NCAM2: variants seen among roughly 807,000 people sequenced by gnomAD.
NCAM2 encodes neural cell adhesion molecule 2.
A neutral mutation model predicts 98.1 loss-of-function variants in NCAM2; 30 were observed. The ratio of observed to expected loss-of-function variants is 0.31; its 90% confidence interval spans 0.23 to 0.41. The LOEUF is 0.41. Ranked by LOEUF, NCAM2 falls within the 10% of genes least tolerant of loss-of-function variation. The pLI is 1.00. For synonymous variants in NCAM2, 368 were observed against 342.4 expected (o/e 1.07, Z -0.83); for missense variants, 867 against 1,005.8 (o/e 0.86, Z 1.87).
chr21:21,334,893 A>G (rs2147857744), intron 6 of NCAM2, among the ~76,000 whole-genome samples: 1 of 152,248 alleles, frequency 6.6e-6, no homozygotes, highest in East Asian at 1.9e-4. Context: ...ATTTGGGACT[A>G]AGAGGAAACA....
chr21:21,429,758 A>G (rs759821258), intron 11 of NCAM2, among the ~76,000 whole-genome samples: 3 of 152,214 alleles, frequency 2.0e-5, no homozygotes, highest in Non-Finnish European at 4.4e-5. Context: ...TTTTGGATGC[A>G]TCAGAATTCT....
chr21:21,439,055 C>T (rs543121431), intron 12 of NCAM2, among the ~76,000 whole-genome samples: 6 of 151,570 alleles, frequency 4.0e-5, no homozygotes, highest in African/African-American at 1.5e-4. Flanking sequence ...CACTGAACTC[C>T]AACCTGGGCA....
At chr21:21,204,001 G>A (rs1164125584) in intron 1 of NCAM2, among the ~76,000 whole-genome samples, 1 of 151,984 alleles carries the variant, frequency 6.6e-6, no homozygotes, top group Non-Finnish European at 1.5e-5. Flanking sequence ...TGATAATGTG[G>A]CAGAATACTT....
At chr21:21,401,084 C>T (rs1460622015) in intron 9 of NCAM2, among the ~76,000 whole-genome samples, 6 of 152,114 alleles carry the variant, frequency 3.9e-5, no homozygotes, top group Non-Finnish European at 8.8e-5. Flanking sequence ...AGTTGGCACT[C>T]AATTTTGATT....
chr21:21,269,601 A>G (rs2072418310), intron 1 of NCAM2, among the ~76,000 whole-genome samples: 1 of 152,186 alleles, frequency 6.6e-6, no homozygotes, highest in Non-Finnish European at 1.5e-5. Flanking sequence ...ATATTTTGGA[A>G]TGTGTAATAT....
At chr21:21,446,181 G>A (rs1980106444) in intron 12 of NCAM2, among the ~76,000 whole-genome samples, 1 of 152,058 alleles carries the variant, frequency 6.6e-6, no homozygotes, top group Admixed American at 6.6e-5. Context: ...CTGGCTTGTA[G>A]CGTTTCTGCT....
intron 1 of NCAM2, among the ~76,000 whole-genome samples, chr21:21,080,462 C>T (rs1043276836): frequency 6.6e-6 from 1 of 151,520 alleles, no homozygotes; most frequent in Non-Finnish European, 1.5e-5. Flanking sequence ...ACTAAAAATA[C>T]AAAATTATTC....
At chr21:21,231,656 A>G (rs975384854) in intron 1 of NCAM2, among the ~76,000 whole-genome samples, 11 of 151,358 alleles carry the variant, frequency 7.3e-5, no homozygotes, top group South Asian at 4.1e-4. Context: ...AAAAATTTCC[A>G]TCGGAGTAAA....
At chr21:21,198,198 G>A (rs949310076) in intron 1 of NCAM2, among the ~76,000 whole-genome samples, 2 of 71,368 alleles carry the variant, frequency 2.8e-5, no homozygotes, top group Admixed American at 2.6e-4. Flanking sequence ...GTGTGTGTGT[G>A]TGTGTGTGTG....
intron 10 of NCAM2, among the ~76,000 whole-genome samples, chr21:21,415,019 C>T (rs1427306658): frequency 2.0e-5 from 3 of 150,884 alleles, no homozygotes; most frequent in Admixed American, 1.3e-4. Flanking sequence ...AGGCTGTAAA[C>T]AGATGTTCTG....
chr21:21,077,452 C>T (rs557191509), intron 1 of NCAM2, among the ~76,000 whole-genome samples: 1 of 152,072 alleles, frequency 6.6e-6, no homozygotes, highest in African/African-American at 2.4e-5. Context: ...AAACAATAGA[C>T]CTCTGTTACT....
At chr21:20,999,597 C>G (rs2063982091) in intron 1 of NCAM2, among the ~76,000 whole-genome samples, 1 of 152,114 alleles carries the variant, frequency 6.6e-6, no homozygotes, top group Admixed American at 6.5e-5. Flanking sequence ...AATAAAATAG[C>G]ACTAATTTTG....
intron 15 of NCAM2, among the ~76,000 whole-genome samples, chr21:21,497,965 AAAT>A (rs1987362697): frequency 6.6e-6 from 1 of 152,110 alleles, no homozygotes; most frequent in Non-Finnish European, 1.5e-5. Flanking sequence ...CAAATTCCCC[AAAT>A]AATATGTGGA....
chr21:21,069,192 T>C (rs1370191422), intron 1 of NCAM2, among the ~76,000 whole-genome samples: 11 of 152,230 alleles, frequency 7.2e-5, no homozygotes, highest in Admixed American at 7.2e-4. Context: ...CTGAAGCTAG[T>C]TGAATTCACT....
chr21:21,095,262 T>G (rs970388223), intron 1 of NCAM2, among the ~76,000 whole-genome samples: 5 of 151,666 alleles, frequency 3.3e-5, no homozygotes, highest in Non-Finnish European at 7.4e-5. Flanking sequence ...AAATCACAGG[T>G]GACCTTAATC....
At position 21,038,436 on chromosome 21, in the gene NCAM2, AC is replaced by A. The variant is rs2064840411; in HGVS notation, c.55+39823del. Among the ~76,000 whole-genome samples, 3 of 151,808 alleles carry A rather than the reference AC, an allele frequency of 2.0e-5. No individual in the cohort carries two copies. The East Asian group carries it at 5.8e-4, about 29-fold the overall frequency. ...CTCTTCTTGAACTGTAATTCCCATA[AC>A]CCCCATGTGTTGTGGAAGGGACCGG... is the stretch of plus-strand genomic sequence containing the variant. On this transcript the variant is annotated intron_variant, in intron 1 of 17. Coordinates refer to ENST00000400546, the MANE Select transcript of NCAM2 (RefSeq NM_004540.5).
At chr21:21,323,843 A>G (rs2147793343) in intron 5 of NCAM2, among the ~76,000 whole-genome samples, 1 of 152,272 alleles carries the variant, frequency 6.6e-6, no homozygotes, top group South Asian at 2.1e-4. Context: ...ATCAGAAAGA[A>G]CATTATGTTT....
intron 16 of NCAM2, among the ~76,000 whole-genome samples, chr21:21,530,011 C>A (rs1989536318): frequency 6.8e-6 from 1 of 147,378 alleles, no homozygotes; most frequent in South Asian, 2.1e-4. Flanking sequence ...ATTTTAGTTT[C>A]AAAAGCAGTA....
chr21:21,225,502 C>T (rs558937905), intron 1 of NCAM2, among the ~76,000 whole-genome samples: 1 of 151,962 alleles, frequency 6.6e-6, no homozygotes, highest in Non-Finnish European at 1.5e-5. Flanking sequence ...TCTCAAAGCT[C>T]ACATCATGAA....
Sources: gnomAD v4.1 joint callset for allele counts (sites outside exome capture counted in the v4.1 genomes callset) on GRCh38, gnomAD v4.1.1 for gene constraint, MANE v1.5 for transcripts, NCBI Gene and HGNC (gene_info 2026-07-23, HGNC 2026-07-21) for gene names.